CDKL5: variants seen among roughly 807,000 people sequenced by gnomAD.
CDKL5 encodes the protein cyclin-dependent kinase-like 5.
In CDKL5, 8 loss-of-function variants were observed where a neutral mutation model predicts 61.7. The observed-to-expected ratio is 0.13, with a 90% CI of 0.08 to 0.23. CDKL5 has a LOEUF of 0.23. CDKL5 is among the 10% of genes least tolerant of loss of function. CDKL5 has a pLI of 1.00. For missense variants in CDKL5, 440 were observed against 734.5 expected (o/e 0.60, Z 4.63); for synonymous variants, 275 against 272.3 (o/e 1.01, Z -0.10).
intron 3 of CDKL5, among the ~76,000 whole-genome samples, chrX:18,553,638 G>A (rs1193053637): frequency 9.0e-6 from 1 of 110,988 alleles, no homozygotes; most frequent in Non-Finnish European, 1.9e-5. Context: ...GACTACAGGC[G>A]TGTGCTACCA....
At chrX:18,465,519 A>G (rs181824588) in intron 1 of CDKL5, among the ~76,000 whole-genome samples, 5 of 110,757 alleles carry the variant, frequency 4.5e-5, no homozygotes, top group African/African-American at 1.6e-4. Flanking sequence ...TACAAAAAAA[A>G]TTAGCTGGAT....
intron 1 of CDKL5, among the ~76,000 whole-genome samples, chrX:18,497,072 A>T (rs1411807687): frequency 2.8e-5 from 3 of 108,042 alleles, no homozygotes; most frequent in African/African-American, 6.8e-5. Flanking sequence ...GGCTTACTGT[A>T]ACCTCTGCCT....
At chrX:18,533,672 C>T (rs1923724163) in intron 3 of CDKL5, among the ~76,000 whole-genome samples, 1 of 111,554 alleles carries the variant, frequency 9.0e-6, no homozygotes, top group African/African-American at 3.3e-5. Context: ...TTGTCCTGAT[C>T]TTACTACTTC....
chrX:18,512,917 A>G (rs1348122393), intron 3 of CDKL5, among the ~76,000 whole-genome samples: 9 of 111,666 alleles, frequency 8.1e-5, no homozygotes. Context: ...CTCCTTTTAT[A>G]CAATGGCTCT....
At chrX:18,644,315 T>A (rs141607643), downstream of CDKL5, 1 of 650,253 alleles carries the variant, frequency 1.5e-6, no homozygotes, top group Non-Finnish European at 2.6e-6. Context: ...GCGCAGATGA[T>A]CCACTGTGCT....
chrX:18,436,978 A>C (rs983033231), intron 1 of CDKL5, among the ~76,000 whole-genome samples: 3 of 109,328 alleles, frequency 2.7e-5, no homozygotes, highest in African/African-American at 1.0e-4. Context: ...TTGAAGCACA[A>C]GTTGGCAGCA....
At chrX:18,508,580 T>C (rs934285852) in intron 2 of CDKL5, among the ~76,000 whole-genome samples, 3 of 111,097 alleles carry the variant, frequency 2.7e-5, no homozygotes, top group Non-Finnish European at 5.7e-5. Context: ...GTTAGAATGC[T>C]CCAGATTCTG....
At chrX:18,641,674 G>T (rs1927578890), downstream of CDKL5, 2 of 268,131 alleles carry the variant, frequency 7.5e-6, no homozygotes, top group Admixed American at 1.1e-4. Flanking sequence ...GCTGCTTTGT[G>T]TTCCCCTGAG....
intron 4 of CDKL5, among the ~76,000 whole-genome samples, chrX:18,570,577 G>C (rs1392384327): frequency 9.0e-6 from 1 of 111,260 alleles, no homozygotes; most frequent in Non-Finnish European, 1.9e-5. Flanking sequence ...TTCTTTATCA[G>C]TTTATCTGTG....
chrX:18,514,599 C>T (rs1294101273), intron 3 of CDKL5, among the ~76,000 whole-genome samples: 1 of 106,422 alleles, frequency 9.4e-6, no homozygotes, highest in Admixed American at 1.0e-4. Flanking sequence ...CCCAGCTACT[C>T]GGGAGGCTGA....
Position 18,598,458 on chromosome X carries a change from TA to T in CDKL5, c.826-2del. ...CTTAACGATCCTAAATTTTATTTCC[TA>T]AGAATTTACTGAAGTTGGACCCAGC... On this transcript the variant is annotated splice_region_variant and splice_polypyrimidine_tract_variant and intron_variant, in intron 10 of 17. Transcript: ENST00000623535. The T allele has an allele frequency of 8.3e-7, 1 of 1,202,398 alleles. No individual in the cohort carries two copies. The highest frequency in any genetic ancestry group is 1.1e-6 in the Non-Finnish European group (1 of 886,792).
chrX:18,547,029 T>C (rs1466297564), intron 3 of CDKL5, among the ~76,000 whole-genome samples: 2 of 112,260 alleles, frequency 1.8e-5, no homozygotes, highest in African/African-American at 6.5e-5. Context: ...ATTGTCTGTT[T>C]TGTTACCATA....
At chrX:18,601,816 A>G (rs919942871) in intron 11 of CDKL5, among the ~76,000 whole-genome samples, 1 of 112,366 alleles carries the variant, frequency 8.9e-6, no homozygotes, top group African/African-American at 3.2e-5. Context: ...TAAGAGTTCC[A>G]AAGGCTCAAG....
chrX:18,499,296 T>C (rs954345062), intron 1 of CDKL5, among the ~76,000 whole-genome samples: 2 of 110,947 alleles, frequency 1.8e-5, no homozygotes, highest in East Asian at 5.6e-4. Context: ...AGCATTCTAA[T>C]TTATTTTTAT....
rs193299116 is a variant in CDKL5, at chrX:18,477,183, C to T, written c.-162-29752C>T. ...CCGGATTCAAGAGATTCTCCTGTGT[C>T]AGCCTCCCGAGTAGCTGAGACTGCA... On this transcript the variant is annotated intron_variant, in intron 1 of 17. Transcript: ENST00000623535. Among the ~76,000 whole-genome samples the T allele has an allele frequency of 3.6e-3, 404 of 112,037 alleles. 4 individuals are homozygous for T. Among genetic ancestry groups the T allele is most frequent in the African/African-American group, 0.012 (384 of 30,876 alleles).
At chrX:18,460,764 G>T (rs1421418766) in intron 1 of CDKL5, among the ~76,000 whole-genome samples, 1 of 111,882 alleles carries the variant, frequency 8.9e-6, no homozygotes, top group African/African-American at 3.3e-5. Flanking sequence ...GCCTTCCAAA[G>T]TGCTGGGATT....
At chrX:18,450,088 C>T (rs758046254) in intron 1 of CDKL5, among the ~76,000 whole-genome samples, 16 of 112,292 alleles carry the variant, frequency 1.4e-4, no homozygotes, top group Non-Finnish European at 2.6e-4. Flanking sequence ...CCACTGTGCC[C>T]GGTCCCCTTA....
At chrX:18,477,055 A>T (rs975781714) in intron 1 of CDKL5, among the ~76,000 whole-genome samples, 2 of 111,489 alleles carry the variant, frequency 1.8e-5, no homozygotes, top group African/African-American at 3.3e-5. Flanking sequence ...GGCGTGAGCC[A>T]CTGCACCTGG....
rs928706936 is a variant in CDKL5, at chrX:18,576,212, T to C, written c.282+722T>C. 6.3e-5 allele frequency among the ~76,000 whole-genome samples: 7 copies of C among 111,539 alleles called. No individual in the cohort carries two copies. The East Asian group carries it at 2.0e-3, about 31-fold the overall frequency. Reference sequence around the variant, plus strand: ...GGGAGGCTGAGGCAGGCGGATCGCTTGAGCCTCAGGAGTTTGAGAATAGCC... The same window carrying C: ...GGGAGGCTGAGGCAGGCGGATCGCTCGAGCCTCAGGAGTTTGAGAATAGCC... On this transcript the variant is annotated intron_variant, in intron 5 of 17. Coordinates refer to ENST00000623535, the MANE Select transcript of CDKL5 (RefSeq NM_001323289.2).
Sources: gnomAD v4.1 joint callset for allele counts (sites outside exome capture counted in the v4.1 genomes callset) on GRCh38, gnomAD v4.1.1 for gene constraint, MANE v1.5 for transcripts, NCBI Gene and HGNC (gene_info 2026-07-23, HGNC 2026-07-21) for gene names.